The following MLLT3 variants were observed in gnomAD, a reference collection of about 807,000 sequenced individuals.
MLLT3 encodes the protein MLLT3 super elongation complex subunit.
In MLLT3, 4 loss-of-function variants were observed where a neutral mutation model predicts 53.2. The ratio of observed to expected loss-of-function variants is 0.08; its 90% CI spans 0.04 to 0.17. The LOEUF is 0.17. Among genes scored for constraint, MLLT3 ranks in the 10% least tolerant of loss-of-function variants. The pLI, the probability that MLLT3 is intolerant of heterozygous loss-of-function variation, is 1.00. For synonymous variants in MLLT3, 283 were observed against 230.6 expected (o/e 1.23, Z -2.06); for missense variants, 569 against 684.0 (o/e 0.83, Z 1.87).
intron 2 of MLLT3, among the ~76,000 whole-genome samples, chr9:20,504,247 T>C (rs1337202872): frequency 6.6e-6 from 1 of 152,154 alleles, no homozygotes; most frequent in Non-Finnish European, 1.5e-5. Context: ...ACTTCCATTT[T>C]CACTGCAGTA....
In MLLT3 at chr9:20,357,640, A is replaced by G. The variant is rs146139631; in HGVS notation, c.1432-2761T>C. Reference sequence around the variant, plus strand: ...AGTAGCTCCCAACAGTACTCAGGTTAATTACTTGCTTGGTTGACGTGTGAC... The same window carrying G: ...AGTAGCTCCCAACAGTACTCAGGTTGATTACTTGCTTGGTTGACGTGTGAC... On this transcript the variant is annotated intron_variant, in intron 8 of 10. Coordinates refer to ENST00000380338, the MANE Select transcript of MLLT3 (RefSeq NM_004529.4). Among the ~76,000 whole-genome samples the G allele has an allele frequency of 2.6e-5, 4 of 152,324 alleles. No individual in the cohort carries two copies. The East Asian group carries it at 7.7e-4, about 29-fold the overall frequency.
chr9:20,413,518 C>G (rs1048844577), intron 5 of MLLT3, among the ~76,000 whole-genome samples: 19 of 152,156 alleles, frequency 1.2e-4, no homozygotes, highest in Admixed American at 1.2e-3. Context: ...ACTTAAATAA[C>G]AGCCTAAAAT....
At chr9:20,587,177 T>C (rs977175700) in intron 2 of MLLT3, among the ~76,000 whole-genome samples, 6 of 131,978 alleles carry the variant, frequency 4.5e-5, no homozygotes, top group Non-Finnish European at 7.9e-5. Context: ...AGATAGCAGA[T>C]AGCTAGGCCA....
At chr9:20,352,111 C>A (rs771335044) in intron 10 of MLLT3, among the ~76,000 whole-genome samples, 1 of 152,194 alleles carries the variant, frequency 6.6e-6, no homozygotes, top group Non-Finnish European at 1.5e-5. Context: ...AAATAAAGGA[C>A]AACATTAAAT....
chr9:20,525,126 TAAAAAAAAAAA>T (rs757232208), intron 2 of MLLT3, among the ~76,000 whole-genome samples: 25 of 56,146 alleles, frequency 4.5e-4, no homozygotes, highest in Non-Finnish European at 1.1e-3. Flanking sequence ...GAAGAAAGAC[TAAAAAAAAAAA>T]AAAAAAAAAC....
intron 5 of MLLT3, among the ~76,000 whole-genome samples, chr9:20,396,186 CTT>C (rs1386925768): frequency 6.6e-6 from 1 of 151,728 alleles, no homozygotes; most frequent in Non-Finnish European, 1.5e-5. Flanking sequence ...AAAGTCATCT[CTT>C]TTAACATCTT....
chr9:20,574,136 A>C (rs1043439890), intron 2 of MLLT3, among the ~76,000 whole-genome samples: 2 of 152,208 alleles, frequency 1.3e-5, no homozygotes, highest in Admixed American at 6.5e-5. Flanking sequence ...AGTTCAAGAT[A>C]ATGTCCAATA....
chr9:20,346,379 C>CAAAAAAAAAAAAAAACAAAAAAA lies in MLLT3; in HGVS notation c.*63_*64insTTTTTTTGTTTTTTTTTTTTTTT, dbSNP rs543672849. 1.1e-5 allele frequency: 11 copies of CAAAAAAAAAAAAAAACAAAAAAA among 985,692 alleles called. No homozygotes were observed. Among genetic ancestry groups the CAAAAAAAAAAAAAAACAAAAAAA allele is most frequent in the Admixed American group, 8.4e-5 (2 of 23,824 alleles). 61.1% of individuals were successfully genotyped at this position (985,692 alleles called of 1,614,324 possible). On this transcript the variant is annotated 3_prime_UTR_variant, in exon 11 of 11. Coordinates refer to ENST00000380338, the MANE Select transcript of MLLT3 (RefSeq NM_004529.4). ...AACAACAAGAACAAAAAATCACAACCAAAAAAAAAAAAAACCAAAAAAAAA... is the reference window on the plus strand; with the variant it reads ...AACAACAAGAACAAAAAATCACAACCAAAAAAAAAAAAAAACAAAAAAAAAAAAAAAAAAAAACCAAAAAAAAA...
rs143338527 is a variant in MLLT3, at chr9:20,399,687, T to C, written c.1125+14034A>G. Among the ~76,000 whole-genome samples, 107 of 152,204 alleles carry C rather than the reference T, an allele frequency of 7.0e-4. 1 individual carries two copies. In the East Asian group the frequency reaches 0.012, roughly 17 times the overall value. On this transcript the variant is annotated intron_variant, in intron 5 of 10. Coordinates refer to ENST00000380338, the MANE Select transcript of MLLT3 (RefSeq NM_004529.4). The stretch of plus-strand genomic sequence containing the variant: ...ATCATGGATTGCTAATATTTTACGA[T>C]GACTAAAGTATAGGGGAGAAGAAAG...
intron 2 of MLLT3, among the ~76,000 whole-genome samples, chr9:20,619,025 T>C (rs969441382): frequency 6.6e-6 from 1 of 152,196 alleles, no homozygotes; most frequent in Non-Finnish European, 1.5e-5. Context: ...TCTTAGAAAG[T>C]GGTTTCTTTT....
intron 5 of MLLT3, among the ~76,000 whole-genome samples, chr9:20,400,105 T>G (rs1822417890): frequency 6.6e-6 from 1 of 151,318 alleles, no homozygotes; most frequent in Non-Finnish European, 1.5e-5. Context: ...AATCTACCCA[T>G]GAGATGGTCT....
At chr9:20,565,942 A>ATATT (rs1563820416) in intron 2 of MLLT3, among the ~76,000 whole-genome samples, 8 of 12,434 alleles carry the variant, frequency 6.4e-4, no homozygotes, top group African/African-American at 1.2e-3. Context: ...ATATATTTAT[A>ATATT]TATATATATA....
At chr9:20,582,526 G>A (rs1056576775) in intron 2 of MLLT3, among the ~76,000 whole-genome samples, 1 of 151,994 alleles carries the variant, frequency 6.6e-6, no homozygotes, top group Non-Finnish European at 1.5e-5. Context: ...CTTTCAATTG[G>A]CAATATGCAC....
intron 5 of MLLT3, among the ~76,000 whole-genome samples, chr9:20,392,680 G>C (rs890382175): frequency 4.6e-5 from 7 of 152,080 alleles, no homozygotes; most frequent in Admixed American, 1.3e-4. Context: ...TGGGTTACTG[G>C]TGAACACAGC....
intron 9 of MLLT3, among the ~76,000 whole-genome samples, chr9:20,353,994 G>C (rs903203860): frequency 6.6e-6 from 1 of 151,868 alleles, no homozygotes; most frequent in Non-Finnish European, 1.5e-5. Context: ...GTTTCTAAGA[G>C]AAAAAAATTC....
intron 2 of MLLT3, among the ~76,000 whole-genome samples, chr9:20,480,137 G>C (rs1824625729): frequency 6.6e-6 from 1 of 152,122 alleles, no homozygotes; most frequent in Non-Finnish European, 1.5e-5. Context: ...CTTATTTCTG[G>C]AAAGCAGGTT....
chr9:20,620,937 T>TA lies in MLLT3; in HGVS notation c.13-104dup, dbSNP rs755014108. 1 of 1,278,454 alleles carries TA rather than the reference T, an allele frequency of 7.8e-7. No individual in the cohort carries two copies. The highest frequency in any genetic ancestry group is 1.2e-5 in the South Asian group (1 of 82,558). 79.2% of individuals were successfully genotyped at this position (1,278,454 alleles called of 1,614,324 possible). A position where few individuals can be genotyped will look rare whatever the true frequency, so the allele number is the denominator to read the frequency against. On this transcript the variant is annotated intron_variant, in intron 1 of 10. Transcript: ENST00000380338. This position sits in a 1 kb window ranked among gnomAD's most constrained non-coding sequence, Gnocchi z 6.1. Reference sequence around the variant, plus strand: ...TTTTTCCTCCTTCTTGAAACGCACATAAAAGGAAACGGCGGTGCCCTCTGC... The same window carrying TA: ...TTTTTCCTCCTTCTTGAAACGCACATAAAAAGGAAACGGCGGTGCCCTCTGC...
chr9:20,530,498 T>G (rs1312248649), intron 2 of MLLT3, among the ~76,000 whole-genome samples: 1 of 152,218 alleles, frequency 6.6e-6, no homozygotes, highest in African/African-American at 2.4e-5. Context: ...AGCTGTCAGC[T>G]TCTAGATGAC....
chr9:20,543,324 C>T (rs951664084), intron 2 of MLLT3, among the ~76,000 whole-genome samples: 1 of 152,228 alleles, frequency 6.6e-6, no homozygotes, highest in African/African-American at 2.4e-5. Context: ...AGCACTTAAT[C>T]ATTTCTAGCT....
Sources: allele counts gnomAD v4.1 joint callset (sites outside exome capture counted in the v4.1 genomes callset), GRCh38; gene constraint gnomAD v4.1.1; non-coding constraint Gnocchi (gnomAD v3.1); transcripts MANE v1.5; gene names NCBI Gene and HGNC (gene_info 2026-07-23, HGNC 2026-07-21).